Variants in ITIH5 observed in about 807,000 individuals in gnomAD.
The protein encoded by ITIH5 is inter-alpha-trypsin inhibitor heavy chain H5.
Under a neutral mutation model 77.5 loss-of-function variants are expected in ITIH5, and 65 were observed. The observed-to-expected ratio is 0.84, with a 90% CI of 0.69 to 1.03. ITIH5 has a LOEUF of 1.03. Among genes scored for constraint, ITIH5 ranks in the 50% least tolerant of loss-of-function variants. ITIH5 has a pLI of 0.00. For synonymous variants in ITIH5, 525 were observed against 494.3 expected (o/e 1.06, Z -0.82); for missense variants, 1,208 against 1,213.1 (o/e 1.00, Z 0.06).
rs568409578 is a variant in ITIH5, at chr10:7,643,107, A to C, written c.136-1017T>G. Among the ~76,000 whole-genome samples the C allele has an allele frequency of 8.5e-5, 13 of 152,274 alleles. No homozygotes were observed. The East Asian group carries it at 2.5e-3, about 29-fold the overall frequency. ...GAGAGGAGACATAAGAGAGCTCTCT[A>C]TCTCTCTCTCCATGTGTGTGCACCA... is the stretch of plus-strand genomic sequence containing the variant. On this transcript the variant is annotated intron_variant, in intron 2 of 13. Transcript: ENST00000397146.
At chr10:7,566,796 AGAAGAGGAAGAG>A (rs1232493954) in intron 12 of ITIH5, among the ~76,000 whole-genome samples, 2 of 2,950 alleles carry the variant, frequency 6.8e-4, no homozygotes, top group African/African-American at 1.3e-3. Flanking sequence ...AAGAAGAAGA[AGAAGAGGAAGAG>A]GAAGAGGAAG....
chr10:7,559,767 C>G lies in ITIH5; in HGVS notation c.*3316G>C. 1 of 454,436 alleles carries G rather than the reference C, an allele frequency of 2.2e-6. No individual in the cohort carries two copies. The highest frequency in any genetic ancestry group is 4.4e-6 in the Non-Finnish European group (1 of 226,234). The allele number at this position is 454,436 out of a possible 1,614,324, so 28.2% of individuals were successfully genotyped here. A position where few individuals can be genotyped will look rare whatever the true frequency, so the allele number is the denominator to read the frequency against. ...AGACATGGTGTCTGGTGAGGGCCGT[C>G]TTCCTGGCTTGCAGGTGGCCATCTT... On this transcript the variant is annotated 3_prime_UTR_variant, in exon 14 of 14. Transcript: ENST00000397146.
chr10:7,612,720 A>G (rs532634033), intron 7 of ITIH5, among the ~76,000 whole-genome samples: 1 of 151,930 alleles, frequency 6.6e-6, no homozygotes, highest in South Asian at 2.1e-4. Context: ...GTACCTAGGA[A>G]TTAAATGAGA....
chr10:7,585,240 G>A (rs1231483379), intron 8 of ITIH5, among the ~76,000 whole-genome samples: 1 of 152,192 alleles, frequency 6.6e-6, no homozygotes, highest in Non-Finnish European at 1.5e-5. Context: ...TAAGGCGCAG[G>A]TCCTGAGTTG....
chr10:7,628,847 G>A (rs201260585), intron 5 of ITIH5, among the ~76,000 whole-genome samples: 5,054 of 113,066 alleles, frequency 0.045, 538 homozygotes, highest in East Asian at 0.096. Flanking sequence ...CTGTTGTAGC[G>A]TGTGTCCCTG....
intron 1 of ITIH5, among the ~76,000 whole-genome samples, chr10:7,655,967 A>G (rs1471077439): frequency 6.6e-6 from 1 of 152,224 alleles, no homozygotes; most frequent in Non-Finnish European, 1.5e-5. Context: ...ATGAAATGAC[A>G]AGAACAAAAA....
intron 7 of ITIH5, among the ~76,000 whole-genome samples, chr10:7,588,473 G>A (rs577273121): frequency 1.3e-5 from 2 of 152,320 alleles, no homozygotes; most frequent in South Asian, 2.1e-4. Context: ...AGCCCAGATC[G>A]TGCCACTGCA....
rs770154829 is a variant in ITIH5 at position 7,569,781 on chromosome 10, T to G, written c.2036A>C (p.Asp679Ala). 3 of 1,596,962 alleles carry G rather than the reference T, an allele frequency of 1.9e-6. No individual in the cohort carries two copies. The East Asian group carries it at 6.7e-5, about 36-fold the overall frequency. The stretch of plus-strand genomic sequence containing the variant: ...ATCCACAACAAAGTGGGGATCACCA[T>G]CCACTGCCAGAGCAGAAGAAAACGG... Reference protein sequence around the residue: ...PRIKISKTSVDGDPHFVVDFP... With the variant: ...PRIKISKTSVAGDPHFVVDFP... Residue 679 changes from aspartate to alanine, a missense_variant, in exon 12 of 14, where the codon GAT becomes GCT. Transcript: ENST00000397146.
chr10:7,623,005 A>G (rs1833498214), intron 5 of ITIH5, among the ~76,000 whole-genome samples: 1 of 152,270 alleles, frequency 6.6e-6, no homozygotes, highest in South Asian at 2.1e-4. Context: ...ATGTCCTGAT[A>G]CATGGAGGTT....
Position 7,642,038 on chromosome 10 carries a change from C to T in ITIH5, c.188G>A (p.Arg63His), listed in dbSNP as rs376012598. 1.6e-4 allele frequency: 263 copies of T among 1,613,966 alleles called. 2 individuals are homozygous for T. The highest frequency in any genetic ancestry group is 1.5e-3 in the South Asian group (137 of 91,068). The change falls in exon 3 of 14, where the codon CGT becomes CAT. Residue 63 changes from arginine (R) to histidine (H), a missense_variant. By Grantham distance (29) the Arg-to-His change is conservative. Coordinates refer to ENST00000397146, the MANE Select transcript of ITIH5 (RefSeq NM_030569.7). ...GCAGGAAACCGTAGTGAAGGCATAACGGGAAATGATGGTAGACTTCACTGA... is the reference window on the plus strand; with the variant it reads ...GCAGGAAACCGTAGTGAAGGCATAATGGGAAATGATGGTAGACTTCACTGA... ...EFSVKSTIIS[R>H]YAFTTVSCRM...
chr10:7,650,660 C>T (rs920075408), intron 2 of ITIH5, among the ~76,000 whole-genome samples: 9 of 151,366 alleles, frequency 5.9e-5, no homozygotes, highest in African/African-American at 2.2e-4. Flanking sequence ...CACTTGAACC[C>T]GGGAAGAGGA....
At chr10:7,569,527 C>A (rs572960379) in intron 12 of ITIH5, 141 bp downstream of exon 12, 1 of 546,392 alleles carries the variant, frequency 1.8e-6, no homozygotes, top group South Asian at 3.1e-5. Flanking sequence ...GAGCGCAGTG[C>A]GCTTCCCTTA....
chr10:7,565,160 AACAC>A (rs1392876948), intron 13 of ITIH5, among the ~76,000 whole-genome samples: 23 of 138,830 alleles, frequency 1.7e-4, no homozygotes, highest in South Asian at 2.4e-4. Flanking sequence ...TGTATATATA[AACAC>A]ACATACATAC....
At chr10:7,598,142 C>G (rs1036330263) in intron 7 of ITIH5, among the ~76,000 whole-genome samples, 4 of 152,170 alleles carry the variant, frequency 2.6e-5, no homozygotes, top group African/African-American at 9.7e-5. Context: ...AATCAATGAT[C>G]GTGCAATGCC....
At chr10:7,612,550 G>T (rs971424899) in intron 7 of ITIH5, among the ~76,000 whole-genome samples, 1 of 151,930 alleles carries the variant, frequency 6.6e-6, no homozygotes, top group African/African-American at 2.4e-5. Flanking sequence ...CAAACTATTC[G>T]GTAGTCACAG....
intron 12 of ITIH5, among the ~76,000 whole-genome samples, chr10:7,567,386 C>T (rs1367214008): frequency 6.7e-6 from 1 of 149,740 alleles, no homozygotes; most frequent in Non-Finnish European, 1.5e-5. Context: ...ATGTGCCCAA[C>T]GTGCAGGTTT....
chr10:7,655,492 C>T (rs1023297536), intron 2 of ITIH5, 139 bp downstream of exon 2: 3 of 639,302 alleles, frequency 4.7e-6, no homozygotes, highest in African/African-American at 3.7e-5. Flanking sequence ...AAAGACTCAA[C>T]TATGCTGTTT....
At chr10:7,618,590 CA>C (rs1833415170) in intron 5 of ITIH5, 1 of 152,178 alleles carries the variant, frequency 6.6e-6, no homozygotes, top group African/African-American at 2.4e-5. Context: ...AATTCTTAAT[CA>C]TAAGGGCATG....
In ITIH5 at chr10:7,579,865, A is replaced by C; in HGVS notation, c.1308T>G (p.Ile436Met). Reference protein sequence around the residue: ...AARGQVCIFTIGIGNDVDFRL... With the variant: ...AARGQVCIFTMGIGNDVDFRL... ...TGAAGTCCACGTCGTTGCCGATGCCAATGGTGAAGATGCAGACTTGGCCTC... is the reference window on the plus strand; with the variant it reads ...TGAAGTCCACGTCGTTGCCGATGCCCATGGTGAAGATGCAGACTTGGCCTC... Residue 436 changes from isoleucine to methionine, a missense_variant, in exon 9 of 14, where the codon ATT becomes ATG. Coordinates refer to ENST00000397146, the MANE Select transcript of ITIH5 (RefSeq NM_030569.7). 1 of 1,614,152 alleles carries C rather than the reference A, an allele frequency of 6.2e-7. No homozygotes were observed. The highest frequency in any genetic ancestry group is 8.5e-7 in the Non-Finnish European group (1 of 1,180,026).
Sources: allele counts gnomAD v4.1 joint callset (sites outside exome capture counted in the v4.1 genomes callset), GRCh38; gene constraint gnomAD v4.1.1; transcripts MANE v1.5; gene names NCBI Gene and HGNC (gene_info 2026-07-23, HGNC 2026-07-21).